The following SEC13 variants were observed in gnomAD, a reference collection of about 807,000 sequenced individuals.
The protein encoded by SEC13 is SEC13 homolog, nuclear pore and COPII component, also known as protein SEC13 homolog.
In SEC13, 25 loss-of-function variants were observed where a neutral mutation model predicts 49.2. The observed-to-expected ratio is 0.51, with a 90% CI of 0.37 to 0.71. The LOEUF (loss-of-function observed/expected upper bound fraction) is 0.71, where lower values mean the gene tolerates loss of function less well. SEC13 is among the 30% of genes least tolerant of loss of function. SEC13 has a pLI of 0.00. For missense variants in SEC13, 383 were observed against 417.6 expected, an observed-to-expected ratio of 0.92 and a Z score of 0.72; for synonymous variants, 148 against 163.9, an observed-to-expected ratio of 0.90 and a Z score of 0.74.
chr3:10,318,876 C>T (rs1316742329), intron 1 of SEC13, among the ~76,000 whole-genome samples: 2 of 152,232 alleles, frequency 1.3e-5, no homozygotes, highest in African/African-American at 4.8e-5. Context: ...GGAACACATA[C>T]AACACTTTAT....
Position 10,315,370 on chromosome 3 carries a change from T to C in SEC13, c.115A>G (p.Ile39Val). The change falls in exon 3 of 9, where the codon ATC becomes GTC. Residue 39 changes from isoleucine (I) to valine (V), a missense_variant. Coordinates refer to ENST00000350697, the MANE Select transcript of SEC13 (RefSeq NM_183352.3). ...TGCCCTCCATTGCGCACATCAAAGATTTTGACGGACCTGTCTGATGAGCAG... is the reference window on the plus strand; with the variant it reads ...TGCCCTCCATTGCGCACATCAAAGACTTTGACGGACCTGTCTGATGAGCAG... Reference protein sequence around the residue: ...ATCSSDRSVKIFDVRNGGQIL... With the variant: ...ATCSSDRSVKVFDVRNGGQIL... The C allele has an allele frequency of 6.2e-7, 1 of 1,612,976 alleles. No homozygotes were observed. The highest frequency in any genetic ancestry group is 8.5e-7 in the Non-Finnish European group (1 of 1,179,544).
At chr3:10,313,194 TG>T (rs540245661) in intron 3 of SEC13, 32 of 214,876 alleles carry the variant, frequency 1.5e-4, no homozygotes, top group African/African-American at 6.9e-4. Context: ...TCTTTTAATT[TG>T]TTCGAAAGGC....
At chr3:10,318,019 C>A in intron 2 of SEC13, 31 bp downstream of exon 2, 1 of 1,514,538 alleles carries the variant, frequency 6.6e-7, no homozygotes, top group Non-Finnish European at 9.2e-7. Flanking sequence ...CATGTCCACA[C>A]CCCTCCAGGG....
In SEC13 at chr3:10,301,119, T is replaced by C; in HGVS notation, c.*142A>G. 1 of 1,613,682 alleles carries C rather than the reference T, an allele frequency of 6.2e-7. No homozygotes were observed. The highest frequency in any genetic ancestry group is 8.5e-7 in the Non-Finnish European group (1 of 1,179,894). ...TCTCCGATCACGTTAAGGCAGATGATCAATCTGTGGCTGCATCTGTAACTC... is the reference window on the plus strand; with the variant it reads ...TCTCCGATCACGTTAAGGCAGATGACCAATCTGTGGCTGCATCTGTAACTC... On this transcript the variant is annotated 3_prime_UTR_variant, in exon 9 of 9. Coordinates refer to ENST00000350697, the MANE Select transcript of SEC13 (RefSeq NM_183352.3).
intron 5 of SEC13, chr3:10,305,933 A>C: frequency 2.5e-6 from 1 of 402,136 alleles, no homozygotes; most frequent in East Asian, 3.5e-5. Flanking sequence ...TTTAAGAAAC[A>C]GGACATTTTC....
Position 10,320,951 on chromosome 3 carries a change from G to C in SEC13, c.3+99C>G. On this transcript the variant is annotated intron_variant, in intron 1 of 8. Coordinates refer to ENST00000350697, the MANE Select transcript of SEC13 (RefSeq NM_183352.3). The stretch of plus-strand genomic sequence containing the variant: ...CTAAGCGGTGGAGGGGAGCTGAACG[G>C]CTCCAGCTTGGGATTTGGGACTCAG... The C allele has an allele frequency of 3.2e-6, 5 of 1,573,612 alleles. No individual in the cohort carries two copies. In the South Asian group the frequency reaches 5.8e-5, roughly 18 times the overall value.
chr3:10,304,177 G>A lies in SEC13; in HGVS notation c.709-5C>T. 6.2e-7 allele frequency: 1 copy of A among 1,613,850 alleles called. No individual in the cohort carries two copies. The highest frequency in any genetic ancestry group is 8.5e-7 in the Non-Finnish European group (1 of 1,179,888). On this transcript the variant is annotated splice_region_variant and splice_polypyrimidine_tract_variant and intron_variant, in intron 7 of 8. Transcript: ENST00000350697. Reference sequence around the variant, plus strand: ...CCAAATGAACACACGACCATCCTAGGAAGAAACAGGATAGAGTCAGGAGGT... The same window carrying A: ...CCAAATGAACACACGACCATCCTAGAAAGAAACAGGATAGAGTCAGGAGGT...
intron 5 of SEC13, among the ~76,000 whole-genome samples, chr3:10,308,183 G>A (rs1157760053): frequency 6.6e-6 from 1 of 152,072 alleles, no homozygotes; most frequent in Non-Finnish European, 1.5e-5. Context: ...ATCAAGATAA[G>A]GAACATGCCC....
intron 8 of SEC13, 152 bp downstream of exon 8, chr3:10,303,874 A>T: frequency 1.3e-6 from 1 of 744,480 alleles, no homozygotes; most frequent in Non-Finnish European, 2.3e-6. Context: ...CTGTGACATT[A>T]ATGATGTAAC....
intron 5 of SEC13, among the ~76,000 whole-genome samples, chr3:10,307,762 C>A (rs526437): frequency 6.6e-6 from 1 of 152,056 alleles, no homozygotes; most frequent in African/African-American, 2.4e-5. Flanking sequence ...CATCATGGGG[C>A]TTTGCCATGT....
Position 10,301,331 on chromosome 3 carries a change from A to T in SEC13, c.899T>A (p.Ile300Asn). 6.2e-7 allele frequency: 1 copy of T among 1,614,090 alleles called. No homozygotes were observed. Residue 300 changes from isoleucine (I) to asparagine (N), a missense_variant, in exon 9 of 9, where the codon ATC becomes AAC. Coordinates refer to ENST00000350697, the MANE Select transcript of SEC13 (RefSeq NM_183352.3). ...KESVDGQWVC[I>N]SDVNKGQGSV... is the part of the protein sequence containing the mutation. ...GCCCTGGCCCTTGTTGACATCACTGATGCACACCCACTGCCCATCAACTGA... is the reference window on the plus strand; with the variant it reads ...GCCCTGGCCCTTGTTGACATCACTGTTGCACACCCACTGCCCATCAACTGA...
intron 8 of SEC13, among the ~76,000 whole-genome samples, chr3:10,303,132 G>A (rs571623492): frequency 3.4e-4 from 52 of 152,338 alleles, no homozygotes; most frequent in Admixed American, 1.7e-3. Flanking sequence ...GCCTGTGTTG[G>A]TTGTGCCGTG....
intron 5 of SEC13, among the ~76,000 whole-genome samples, chr3:10,310,957 A>G (rs1701214829): frequency 6.6e-6 from 1 of 152,184 alleles, no homozygotes; most frequent in African/African-American, 2.4e-5. Context: ...AGCCAGTCAC[A>G]AAAGACCACA....
chr3:10,319,310 C>T, intron 1 of SEC13: 2 of 1,585,250 alleles, frequency 1.3e-6, no homozygotes, highest in African/African-American at 2.7e-5. Flanking sequence ...AACCAGGTCC[C>T]CGAAGTCTGC....
chr3:10,312,678 T>C lies in SEC13; in HGVS notation c.217A>G (p.Ile73Val), dbSNP rs1275478392. ...VAWAHPMYGNILASCSYDRKV... is the reference protein window; with the variant it reads ...VAWAHPMYGNVLASCSYDRKV... ...CGGTCATAGGAGCACGATGCCAGGA[T>C]GTTGCCGTACATGGGGTGAGCCCAG... Residue 73 changes from isoleucine to valine, a missense_variant, in exon 4 of 9, where the codon ATC (isoleucine) becomes GTC (valine). By Grantham distance (29) the Ile-to-Val change is conservative. Coordinates refer to ENST00000350697, the MANE Select transcript of SEC13 (RefSeq NM_183352.3). The C allele has an allele frequency of 1.9e-6, 3 of 1,614,074 alleles. No homozygotes were observed. The African/African-American group carries it at 4.0e-5, about 22-fold the overall frequency.
At chr3:10,305,535 A>G in intron 6 of SEC13, 24 bp downstream of exon 6, 2 of 1,611,778 alleles carry the variant, frequency 1.2e-6, no homozygotes, top group Non-Finnish European at 1.7e-6. Context: ...CCCCTCAAAG[A>G]GAAGGCCACA....
chr3:10,305,481 G>T, intron 6 of SEC13, 78 bp downstream of exon 6: 2 of 1,524,526 alleles, frequency 1.3e-6, no homozygotes, highest in South Asian at 2.4e-5. Flanking sequence ...TGTTTCTTGT[G>T]AGTGTGGCTG....
chr3:10,303,915 T>C, intron 8 of SEC13, 111 bp downstream of exon 8: 1 of 1,214,998 alleles, frequency 8.2e-7, no homozygotes. Context: ...CAGTCCTGGC[T>C]AAGGCTCCTG....
chr3:10,305,409 G>T, intron 6 of SEC13, 150 bp downstream of exon 6: 1 of 1,118,728 alleles, frequency 8.9e-7, no homozygotes, highest in African/African-American at 1.6e-5. Context: ...GTTTTTCAAG[G>T]ATGTCCTCCA....
Sources: gnomAD v4.1 joint callset for allele counts (sites outside exome capture counted in the v4.1 genomes callset) on GRCh38, gnomAD v4.1.1 for gene constraint, MANE v1.5 for transcripts, NCBI Gene and HGNC (gene_info 2026-07-23, HGNC 2026-07-21) for gene names.